Variants in KATNAL2 observed in about 807,000 individuals in gnomAD.
KATNAL2 encodes katanin p60 ATPase-containing subunit A-like 2.
Under a neutral mutation model 76.3 loss-of-function variants are expected in KATNAL2, and 52 were observed. The ratio of observed to expected loss-of-function variants is 0.68; its 90% confidence interval spans 0.55 to 0.86. The LOEUF is 0.86. KATNAL2 is among the 40% of genes least tolerant of loss of function. The probability of loss-of-function intolerance (pLI) is 0.00; values close to 1 mark genes in which losing one functional copy is unlikely to be tolerated. For missense variants in KATNAL2, 660 were observed against 668.9 expected (o/e 0.99, Z 0.15); for synonymous variants, 243 against 244.2 (o/e 1.00, Z 0.05).
intron 15 of KATNAL2, among the ~76,000 whole-genome samples, chr18:47,079,986 A>G (rs755653159): frequency 1.3e-5 from 2 of 152,124 alleles, no homozygotes; most frequent in Admixed American, 6.5e-5. Flanking sequence ...GCTCCCATCA[A>G]TGGTGTGAGC....
chr18:47,076,797 TTA>T (rs35925389), intron 14 of KATNAL2, among the ~76,000 whole-genome samples: 78,020 of 145,218 alleles, frequency 0.54, 21,184 homozygotes, highest in Middle Eastern at 0.61. Context: ...AATAAATAAA[TTA>T]TATATATATA....
At chr18:46,961,555 A>AG (rs1368132371) in intron 3 of KATNAL2, among the ~76,000 whole-genome samples, 3 of 152,232 alleles carry the variant, frequency 2.0e-5, no homozygotes, top group Non-Finnish European at 4.4e-5. Flanking sequence ...TAAACTTACA[A>AG]TGAGGGTTTT....
intron 14 of KATNAL2, chr18:47,076,338 G>C (rs1311265138): frequency 6.6e-6 from 1 of 152,112 alleles, no homozygotes; most frequent in Non-Finnish European, 1.5e-5. Context: ...AGCTTAACTG[G>C]AGCTGGTGCT....
At chr18:47,067,544 TG>T (rs2061852640) in intron 11 of KATNAL2, among the ~76,000 whole-genome samples, 1 of 152,210 alleles carries the variant, frequency 6.6e-6, no homozygotes, top group Non-Finnish European at 1.5e-5. Context: ...GCTTTGCTTC[TG>T]GCTGGTTGTG....
chr18:46,931,359 A>T (rs949730933), intron 1 of KATNAL2, among the ~76,000 whole-genome samples: 4 of 151,918 alleles, frequency 2.6e-5, no homozygotes, highest in African/African-American at 9.6e-5. Context: ...ATAGAATTCA[A>T]AATTTAAAAA....
Position 47,063,293 on chromosome 18 carries a change from C to T in KATNAL2, c.658C>T (p.Leu220=). 8 of 1,613,546 alleles carry T rather than the reference C, an allele frequency of 5.0e-6. No individual in the cohort carries two copies. The highest frequency in any genetic ancestry group is 5.1e-6 in the Non-Finnish European group (6 of 1,179,782). Residue 220 remains leucine, a synonymous_variant, in exon 10 of 18, where the codon CTG becomes TTG. Transcript: ENST00000683218. ...DHNPDPSERL[L]KPLSAFIGMN... The stretch of plus-strand genomic sequence containing the variant: ...CCGCTCCTCTCATCAGGAACGACTG[C>T]TGAAACCTCTGAGTGCATTTATTGG...
intron 1 of KATNAL2, among the ~76,000 whole-genome samples, chr18:46,926,136 G>A (rs962354185): frequency 5.3e-5 from 8 of 152,110 alleles, no homozygotes; most frequent in Admixed American, 3.3e-4. Flanking sequence ...GCTTTTGAAT[G>A]TGTTTGCTCT....
Position 46,957,489 on chromosome 18 carries a change from C to T in KATNAL2, c.51+10566C>T, listed in dbSNP as rs574541770. On this transcript the variant is annotated intron_variant, in intron 3 of 17. Coordinates refer to ENST00000683218, the MANE Select transcript of KATNAL2 (RefSeq NM_001387690.1). The stretch of plus-strand genomic sequence containing the variant: ...CAGGACGGTCTCCATCTACTGAACT[C>T]GTGATCTGCCCGCCTTGGCCTCCCA... Among the ~76,000 whole-genome samples the T allele has an allele frequency of 2.7e-5, 4 of 150,238 alleles. No individual in the cohort carries two copies. The South Asian group carries it at 6.3e-4, about 24-fold the overall frequency.
intron 3 of KATNAL2, among the ~76,000 whole-genome samples, chr18:46,957,153 GCATT>G (rs1033080667): frequency 6.6e-5 from 10 of 151,910 alleles, no homozygotes; most frequent in African/African-American, 2.4e-4. Flanking sequence ...GGGTGCCCAG[GCATT>G]TGGTCAACAT....
At chr18:47,096,689 CAAAT>C (rs1271899620) in intron 15 of KATNAL2, among the ~76,000 whole-genome samples, 9 of 152,080 alleles carry the variant, frequency 5.9e-5, no homozygotes, top group Non-Finnish European at 1.3e-4. Context: ...CCTAGAAAAT[CAAAT>C]AAACAGTTCA....
At position 47,077,395 on chromosome 18, in the gene KATNAL2, T is replaced by C; in HGVS notation, c.1145T>C (p.Val382Ala). ...CTGCGGATGAAGACAGAGTTACTGG[T>C]GCAGATGGATGGGCTGGCACGCTCA... ...GSLRMKTELL[V>A]QMDGLARSED... The change falls in exon 15 of 18, where the codon GTG becomes GCG. Residue 382 changes from valine to alanine, a missense_variant. By Grantham distance (64) the Val-to-Ala change is moderately conservative. Transcript: ENST00000683218. 2 of 1,614,012 alleles carry C rather than the reference T, an allele frequency of 1.2e-6. No homozygotes were observed. The highest frequency in any genetic ancestry group is 1.7e-6 in the Non-Finnish European group (2 of 1,179,918).
chr18:47,100,806 A>C (rs573427691), intron 17 of KATNAL2, 60 bp from the exon 18 acceptor site: 14 of 1,596,386 alleles, frequency 8.8e-6, no homozygotes, highest in Non-Finnish European at 1.2e-5. Context: ...TTAGCGTTTC[A>C]AGAGCATTGA....
At chr18:47,090,237 G>A (rs1461766829) in intron 15 of KATNAL2, among the ~76,000 whole-genome samples, 2 of 152,028 alleles carry the variant, frequency 1.3e-5, no homozygotes, top group African/African-American at 4.8e-5. Flanking sequence ...CTCCTGAGTA[G>A]CTGGGATTAC....
At chr18:46,919,299 C>A (rs1397202903) in intron 1 of KATNAL2, among the ~76,000 whole-genome samples, 1 of 151,962 alleles carries the variant, frequency 6.6e-6, no homozygotes, top group Non-Finnish European at 1.5e-5. Context: ...CCAGCCTGAC[C>A]AACATGGAGA....
chr18:46,959,017 A>G (rs2059849573), intron 3 of KATNAL2, among the ~76,000 whole-genome samples: 1 of 152,272 alleles, frequency 6.6e-6, no homozygotes, highest in Non-Finnish European at 1.5e-5. Context: ...CTAGTTTTTA[A>G]AATGAGTGTT....
At chr18:46,961,033 G>A (rs2059924684) in intron 3 of KATNAL2, among the ~76,000 whole-genome samples, 2 of 152,176 alleles carry the variant, frequency 1.3e-5, no homozygotes, top group Admixed American at 6.5e-5. Context: ...GCAAACATGG[G>A]GGACATAACT....
chr18:47,035,511 GAGTGACCTCTGC>G (rs2060732022), intron 3 of KATNAL2: 4 of 764,876 alleles, frequency 5.2e-6, no homozygotes, highest in Middle Eastern at 3.9e-4. Context: ...CCACAGCCTG[GAGTGACCTCTGC>G]AGTTTGCTGT....
chr18:47,043,355 G>C (rs1484390908), intron 3 of KATNAL2, among the ~76,000 whole-genome samples: 4 of 151,210 alleles, frequency 2.6e-5, no homozygotes, highest in Non-Finnish European at 5.9e-5. Context: ...GTAGAATAAA[G>C]ACACTTTCAG....
At chr18:47,036,959 T>C (rs1488543262) in intron 3 of KATNAL2, among the ~76,000 whole-genome samples, 1 of 152,190 alleles carries the variant, frequency 6.6e-6, no homozygotes, top group Non-Finnish European at 1.5e-5. Context: ...AAGAAACAAA[T>C]TAGAACCTAC....
Sources: gnomAD v4.1 joint callset for allele counts (sites outside exome capture counted in the v4.1 genomes callset) on GRCh38, gnomAD v4.1.1 for gene constraint, MANE v1.5 for transcripts, NCBI Gene and HGNC (gene_info 2026-07-23, HGNC 2026-07-21) for gene names.